SYTL3: variants seen among roughly 807,000 people sequenced by gnomAD.
SYTL3 encodes the protein synaptotagmin like 3, also known as synaptotagmin-like protein 3.
A neutral mutation model predicts 82.1 loss-of-function variants in SYTL3; 88 were observed. The ratio of observed to expected loss-of-function variants is 1.07; its 90% confidence interval spans 0.90 to 1.28. SYTL3 has a LOEUF of 1.28. SYTL3 is among the 50% of genes most tolerant of loss of function. The pLI, the probability that SYTL3 is intolerant of heterozygous loss-of-function variation, is 0.00. For synonymous variants in SYTL3, 311 were observed against 289.4 expected (o/e 1.07, Z -0.76); for missense variants, 831 against 757.6 (o/e 1.10, Z -1.14).
At chr6:158,735,127 C>T (rs1478145950) in intron 11 of SYTL3, among the ~76,000 whole-genome samples, 1 of 152,088 alleles carries the variant, frequency 6.6e-6, no homozygotes, top group African/African-American at 2.4e-5. Flanking sequence ...CACTCAGGGC[C>T]AGTCCACACG....
chr6:158,734,699 A>G (rs1007114326), intron 11 of SYTL3, among the ~76,000 whole-genome samples: 1 of 151,970 alleles, frequency 6.6e-6, no homozygotes, highest in African/African-American at 2.4e-5. Flanking sequence ...CCGACATGCT[A>G]TAGAGTTGGC....
intron 11 of SYTL3, among the ~76,000 whole-genome samples, chr6:158,736,013 T>A (rs555676810): frequency 6.6e-6 from 1 of 152,348 alleles, no homozygotes; most frequent in South Asian, 2.1e-4. Flanking sequence ...TGTGCATACA[T>A]AGATGTCCCA....
At chr6:158,737,077 T>A (rs896383855) in intron 11 of SYTL3, among the ~76,000 whole-genome samples, 2 of 151,938 alleles carry the variant, frequency 1.3e-5, no homozygotes, top group Non-Finnish European at 2.9e-5. Context: ...AATGATTTGC[T>A]TAGCTTACAA....
chr6:158,680,488 CA>C (rs1778539248), intron 5 of SYTL3, among the ~76,000 whole-genome samples: 1 of 148,642 alleles, frequency 6.7e-6, no homozygotes, highest in Admixed American at 6.9e-5. Context: ...CCTGTAATCC[CA>C]GCACTTTGGG....
chr6:158,756,734 T>TTTTA (rs1390261019), intron 13 of SYTL3, among the ~76,000 whole-genome samples: 1 of 147,168 alleles, frequency 6.8e-6, no homozygotes, highest in Non-Finnish European at 1.5e-5. Flanking sequence ...TTTTTTTTTT[T>TTTTA]TTTTTTTTTT....
At chr6:158,660,483 C>CG (rs1281029254) in intron 2 of SYTL3, among the ~76,000 whole-genome samples, 1 of 152,158 alleles carries the variant, frequency 6.6e-6, no homozygotes, top group East Asian at 1.9e-4. Context: ...GGCCCACAGG[C>CG]GGGGGTTTGG....
chr6:158,653,858 G>A (rs570013403), intron 2 of SYTL3, among the ~76,000 whole-genome samples: 1 of 152,324 alleles, frequency 6.6e-6, no homozygotes, highest in African/African-American at 2.4e-5. Context: ...AGGGAGGGCT[G>A]AACATTTATT....
intron 6 of SYTL3, among the ~76,000 whole-genome samples, chr6:158,689,460 T>C (rs1466543194): frequency 6.6e-6 from 1 of 152,210 alleles, no homozygotes; most frequent in Non-Finnish European, 1.5e-5. Context: ...TCAATCATGT[T>C]AGTTGCATGT....
intron 5 of SYTL3, among the ~76,000 whole-genome samples, chr6:158,670,788 AAAAAG>A (rs1777283614): frequency 6.7e-6 from 1 of 150,184 alleles, no homozygotes; most frequent in Non-Finnish European, 1.5e-5. Context: ...AAAAAAGAAA[AAAAAG>A]AAATGTACAG....
Position 158,764,649 on chromosome 6 carries a change from G to A in SYTL3, c.*45G>A, listed in dbSNP as rs892516564. The stretch of plus-strand genomic sequence containing the variant: ...CAGGTTGCAGCAGGCGTGAGGCACT[G>A]TGCGTCTGCAGAGGGGCTACGAACC... On this transcript the variant is annotated 3_prime_UTR_variant, in exon 18 of 18. Coordinates refer to ENST00000611299, the MANE Select transcript of SYTL3 (RefSeq NM_001242394.2). 2.1e-6 allele frequency: 3 copies of A among 1,416,266 alleles called. No homozygotes were observed. The highest frequency in any genetic ancestry group is 1.4e-5 in the African/African-American group (1 of 70,976). The allele number at this position is 1,416,266 out of a possible 1,614,324, so 87.7% of individuals were successfully genotyped here. A position where few individuals can be genotyped will look rare whatever the true frequency, so the allele number is the denominator to read the frequency against.
chr6:158,692,275 A>G (rs1411697355), intron 6 of SYTL3, among the ~76,000 whole-genome samples: 1 of 146,976 alleles, frequency 6.8e-6, no homozygotes, highest in African/African-American at 2.5e-5. Flanking sequence ...AAAAAAAAAA[A>G]AAAAAAAAAA....
chr6:158,725,468 G>A (rs370435851), intron 10 of SYTL3, 35 bp from the exon 11 acceptor site: 107 of 1,608,964 alleles, frequency 6.7e-5, no homozygotes, highest in Non-Finnish European at 8.6e-5. Flanking sequence ...CTGGGATGGA[G>A]ACTATAATAT....
At position 158,730,909 on chromosome 6, in the gene SYTL3, T is replaced by G. The variant is rs199721973; in HGVS notation, c.855+5272T>G. 3.9e-5 allele frequency among the ~76,000 whole-genome samples: 6 copies of G among 152,150 alleles called. No homozygotes were observed. The East Asian group carries it at 1.2e-3, about 29-fold the overall frequency. On this transcript the variant is annotated intron_variant, in intron 11 of 17. Transcript: ENST00000611299. ...GGTGGGGCGGTGAAGTATTCCTTAG[T>G]CAGGATGTCTTAAGGGTTAAAAAGA...
intron 17 of SYTL3, 86 bp from the exon 18 acceptor site, chr6:158,764,409 C>T: frequency 9.7e-7 from 1 of 1,028,096 alleles, no homozygotes; most frequent in African/African-American, 1.6e-5. Context: ...TGAAAAACTT[C>T]TGGCTGGTCA....
chr6:158,698,888 C>G (rs1192737921), intron 6 of SYTL3, among the ~76,000 whole-genome samples: 2 of 152,198 alleles, frequency 1.3e-5, no homozygotes, highest in Non-Finnish European at 2.9e-5. Context: ...CCCACCTGTG[C>G]TTTTCTTTGG....
chr6:158,691,308 C>T lies in SYTL3; in HGVS notation c.394+8319C>T, dbSNP rs529046003. Among the ~76,000 whole-genome samples, 127 of 151,678 alleles carry T rather than the reference C, an allele frequency of 8.4e-4. 1 individual carries two copies. The highest frequency in any genetic ancestry group is 2.8e-3 in the African/African-American group (114 of 41,260). On this transcript the variant is annotated intron_variant, in intron 6 of 17. Transcript: ENST00000611299. Reference sequence around the variant, plus strand: ...GTTGCAGTGAGCCAAGATCATGCCACTGCATCCAGCCTGGGCAGCAACTGA... The same window carrying T: ...GTTGCAGTGAGCCAAGATCATGCCATTGCATCCAGCCTGGGCAGCAACTGA...
intron 9 of SYTL3, among the ~76,000 whole-genome samples, chr6:158,716,788 C>T (rs1369569566): frequency 6.6e-6 from 1 of 152,154 alleles, no homozygotes; most frequent in Non-Finnish European, 1.5e-5. Flanking sequence ...GGTCAAGAGC[C>T]ACAGTGTCCA....
rs1055519444 is a variant in SYTL3, at chr6:158,663,040, C to T, written c.-229C>T. On this transcript the variant is annotated 5_prime_UTR_variant, in exon 4 of 18. Transcript: ENST00000611299. ...CCGGGTAGCACGAGGCTCTGCGAGC[C>T]GTAACTCCGACAAACGCAGAACTTC... 4.6e-5 allele frequency: 20 copies of T among 431,018 alleles called. No individual in the cohort carries two copies. The highest frequency in any genetic ancestry group is 6.6e-5 in the Non-Finnish European group (16 of 240,962). The allele number at this position is 431,018 out of a possible 1,614,324, so 26.7% of individuals were successfully genotyped here. A position where few individuals can be genotyped will look rare whatever the true frequency, so the allele number is the denominator to read the frequency against.
At chr6:158,729,566 CTTT>C (rs34172320) in intron 11 of SYTL3, among the ~76,000 whole-genome samples, 9 of 132,888 alleles carry the variant, frequency 6.8e-5, no homozygotes, top group Admixed American at 7.7e-5. Context: ...CTTTCTTTTT[CTTT>C]TTTTTTTTTT....
Sources: allele counts gnomAD v4.1 joint callset (sites outside exome capture counted in the v4.1 genomes callset), GRCh38; gene constraint gnomAD v4.1.1; transcripts MANE v1.5; gene names NCBI Gene and HGNC (gene_info 2026-07-23, HGNC 2026-07-21).